Variants in SH3RF3 observed in about 807,000 individuals in gnomAD.
SH3RF3 encodes E3 ubiquitin-protein ligase SH3RF3.
SH3RF3 carries 29 observed loss-of-function variants against 66.3 expected under a neutral mutation model. The observed-to-expected ratio is 0.44, with a 90% CI of 0.33 to 0.60. The LOEUF (loss-of-function observed/expected upper bound fraction) is 0.60, where lower values mean the gene tolerates loss of function less well. Among genes scored for constraint, SH3RF3 ranks in the 20% least tolerant of loss-of-function variants. The probability of loss-of-function intolerance (pLI) is 0.04; values close to 1 mark genes in which losing one functional copy is unlikely to be tolerated. For synonymous variants in SH3RF3, 583 were observed against 532.0 expected (o/e 1.10, Z -1.32); for missense variants, 1,194 against 1,190.9 (o/e 1.00, Z -0.04).
At chr2:109,314,789 A>T (rs2105439308) in intron 1 of SH3RF3, among the ~76,000 whole-genome samples, 2 of 152,350 alleles carry the variant, frequency 1.3e-5, no homozygotes, top group South Asian at 4.1e-4. Context: ...TGTTTAATTT[A>T]GGGTGTGACA....
chr2:109,208,251 T>C (rs552831077), intron 1 of SH3RF3, among the ~76,000 whole-genome samples: 1 of 152,352 alleles, frequency 6.6e-6, no homozygotes, highest in South Asian at 2.1e-4. Context: ...GGATTCGATA[T>C]GGTTGCAGAA....
Position 109,442,934 on chromosome 2 carries a change from CAAAA to C in SH3RF3, c.1828+5791_1828+5794del, listed in dbSNP as rs1029879557. On this transcript the variant is annotated intron_variant, in intron 7 of 9. Coordinates refer to ENST00000309415, the MANE Select transcript of SH3RF3 (RefSeq NM_001099289.3). ...ATTGTCACATATTACTAAAAACAAA[CAAAA>C]AACCAACGATATGCTGTGAGTAAGA... Among the ~76,000 whole-genome samples the C allele has an allele frequency of 3.0e-4, 45 of 152,218 alleles. 1 individual carries two copies. The highest frequency in any genetic ancestry group is 3.4e-3 in the Middle Eastern group (1 of 294).
At chr2:109,198,837 T>C (rs1054888025) in intron 1 of SH3RF3, among the ~76,000 whole-genome samples, 5 of 152,354 alleles carry the variant, frequency 3.3e-5, no homozygotes, top group African/African-American at 1.2e-4. Flanking sequence ...GTTCCCCGGC[T>C]GCAGACCTGT....
chr2:109,303,426 G>T (rs1360803328), intron 1 of SH3RF3, among the ~76,000 whole-genome samples: 1 of 152,218 alleles, frequency 6.6e-6, no homozygotes, highest in Non-Finnish European at 1.5e-5. Context: ...TTTAATGTAG[G>T]ATGATCTTTG....
intron 2 of SH3RF3, among the ~76,000 whole-genome samples, chr2:109,357,953 G>C (rs1304974033): frequency 1.3e-5 from 2 of 152,070 alleles, no homozygotes; most frequent in Admixed American, 6.5e-5. Flanking sequence ...AGTCACTCTT[G>C]GTGCAGAGTC....
In SH3RF3 at chr2:109,392,623, G is replaced by A. The variant is rs530095052; in HGVS notation, c.946-5967G>A. 1.4e-4 allele frequency among the ~76,000 whole-genome samples: 22 copies of A among 152,026 alleles called. No homozygotes were observed. The East Asian group carries it at 2.1e-3, about 15-fold the overall frequency. On this transcript the variant is annotated intron_variant, in intron 3 of 9. Transcript: ENST00000309415. ...TCCGCCTCGTGGGTTCACGCCAGCC[G>A]TTCTCCTGCCTCAGCCTCCGGAGTA...
chr2:109,176,768 G>A (rs1677925997), intron 1 of SH3RF3, among the ~76,000 whole-genome samples: 1 of 152,166 alleles, frequency 6.6e-6, no homozygotes, highest in Non-Finnish European at 1.5e-5. Context: ...ATGGAAACAG[G>A]AATGGAGGCT....
chr2:109,133,155 C>T (rs911859938), intron 1 of SH3RF3, among the ~76,000 whole-genome samples: 11 of 152,198 alleles, frequency 7.2e-5, no homozygotes, highest in Admixed American at 2.6e-4. Flanking sequence ...TGACCGGTGT[C>T]ACTCCAGAAT....
intron 1 of SH3RF3, among the ~76,000 whole-genome samples, chr2:109,296,393 T>A (rs1681308923): frequency 6.6e-6 from 1 of 151,774 alleles, no homozygotes; most frequent in South Asian, 2.1e-4. Context: ...ACACCCAGTT[T>A]TTTTTTTGTG....
At chr2:109,286,474 C>G (rs33957668) in intron 1 of SH3RF3, among the ~76,000 whole-genome samples, 52,219 of 151,986 alleles carry the variant, frequency 0.34, 9,141 homozygotes, top group South Asian at 0.41. Context: ...AGCTGCACCA[C>G]AGTCCCGCAC....
chr2:109,439,257 G>A (rs1677496444), intron 7 of SH3RF3, among the ~76,000 whole-genome samples: 1 of 152,190 alleles, frequency 6.6e-6, no homozygotes, highest in Non-Finnish European at 1.5e-5. Flanking sequence ...CACACGGGGA[G>A]AGTGAGGCAC....
chr2:109,258,026 A>G (rs1466245799), intron 1 of SH3RF3, among the ~76,000 whole-genome samples: 2 of 152,102 alleles, frequency 1.3e-5, no homozygotes, highest in African/African-American at 2.4e-5. Context: ...CTGTGCACAC[A>G]TGTACACTTT....
intron 1 of SH3RF3, among the ~76,000 whole-genome samples, chr2:109,224,700 T>C (rs1679331612): frequency 6.6e-6 from 1 of 152,110 alleles, no homozygotes. Flanking sequence ...TCTACTAAAA[T>C]ACAAAAATTA....
chr2:109,366,170 G>C (rs1574600169), intron 2 of SH3RF3, among the ~76,000 whole-genome samples: 1 of 151,978 alleles, frequency 6.6e-6, no homozygotes, highest in African/African-American at 2.4e-5. Flanking sequence ...ACTTTTTCTA[G>C]GTATATATAT....
intron 1 of SH3RF3, among the ~76,000 whole-genome samples, chr2:109,131,839 G>A (rs894443986): frequency 6.6e-6 from 1 of 152,142 alleles, no homozygotes; most frequent in African/African-American, 2.4e-5. Context: ...GTGTTTTTGG[G>A]ATGTTTCTGG....
rs564419015 is a variant in SH3RF3 at position 109,360,940 on chromosome 2, G to A, written c.850-10646G>A. On this transcript the variant is annotated intron_variant, in intron 2 of 9. Coordinates refer to ENST00000309415, the MANE Select transcript of SH3RF3 (RefSeq NM_001099289.3). Reference sequence around the variant, plus strand: ...AAAGTTTCCCACCATTAAGTTTCTCGTAATTAGGTGAACTGTAGGTTATTT... The same window carrying A: ...AAAGTTTCCCACCATTAAGTTTCTCATAATTAGGTGAACTGTAGGTTATTT... Among the ~76,000 whole-genome samples, 222 of 152,284 alleles carry A rather than the reference G, an allele frequency of 1.5e-3. No individual in the cohort carries two copies. The Middle Eastern group carries it at 0.017, about 12-fold the overall frequency.
At chr2:109,429,437 C>T (rs1331124115) in intron 5 of SH3RF3, among the ~76,000 whole-genome samples, 1 of 152,182 alleles carries the variant, frequency 6.6e-6, no homozygotes, top group Non-Finnish European at 1.5e-5. Flanking sequence ...AAGGATTACT[C>T]ATCAACAGAA....
At chr2:109,477,640 G>T (rs1054386244) in intron 8 of SH3RF3, among the ~76,000 whole-genome samples, 1 of 137,860 alleles carries the variant, frequency 7.3e-6, no homozygotes, top group African/African-American at 2.6e-5. Context: ...GTGTGTGTGT[G>T]TGTTGGTGAG....
chr2:109,142,839 C>T (rs1351787482), intron 1 of SH3RF3, among the ~76,000 whole-genome samples: 1 of 152,032 alleles, frequency 6.6e-6, no homozygotes, highest in Non-Finnish European at 1.5e-5. Context: ...CATTGTGGGA[C>T]GTTTTCACTC....
Sources: gnomAD v4.1 joint callset for allele counts (sites outside exome capture counted in the v4.1 genomes callset) on GRCh38, gnomAD v4.1.1 for gene constraint, MANE v1.5 for transcripts, NCBI Gene and HGNC (gene_info 2026-07-23, HGNC 2026-07-21) for gene names.